The following LY75 variants were observed in gnomAD, a reference collection of about 807,000 sequenced individuals.
The protein encoded by LY75 is C-type lectin domain family 13 member B.
A neutral mutation model predicts 231.7 loss-of-function variants in LY75; 185 were observed. The ratio of observed to expected loss-of-function variants is 0.80; its 90% CI spans 0.71 to 0.90. LY75 has a LOEUF of 0.90. Among genes scored for constraint, LY75 ranks in the 40% least tolerant of loss-of-function variants. The probability of loss-of-function intolerance (pLI) is 0.00; values close to 1 mark genes in which losing one functional copy is unlikely to be tolerated. For missense variants in LY75, 1,947 were observed against 2,050.2 expected (o/e 0.95, Z 0.97); for synonymous variants, 668 against 689.0 (o/e 0.97, Z 0.48).
intron 24 of LY75, among the ~76,000 whole-genome samples, chr2:159,841,846 A>G (rs1684039841): frequency 6.6e-6 from 1 of 152,102 alleles, no homozygotes; most frequent in African/African-American, 2.4e-5. Flanking sequence ...AATTACTATA[A>G]TGGGATAACT....
intron 2 of LY75, 86 bp from the exon 3 acceptor site, chr2:159,894,170 A>C: frequency 6.9e-7 from 1 of 1,458,652 alleles, no homozygotes; most frequent in Non-Finnish European, 9.2e-7. Context: ...TGTTTTTAAA[A>C]GAAACGTTGT....
At position 159,898,917 on chromosome 2, in the gene LY75, G is replaced by A. The variant is rs1008188836; in HGVS notation, c.237C>T (p.His79=). Residue 79 remains histidine (H), a synonymous_variant, in exon 2 of 35, where the codon CAC becomes CAT. Transcript: ENST00000263636. ...TATCGAGGCCAAGGCACTTTTGGGA[G>A]TGCAAATGAAAGAGCCGATGCTGGG... ...WVSQHRLFHL[H]SQKCLGLDIT... is the part of the protein sequence containing the mutation. 1 of 1,614,228 alleles carries A rather than the reference G, an allele frequency of 6.2e-7. No homozygotes were observed. Among genetic ancestry groups the A allele is most frequent in the African/African-American group, 1.3e-5 (1 of 75,056 alleles).
At chr2:159,904,568 G>C (rs779633633) in intron 1 of LY75, 21 bp downstream of exon 1, 2 of 1,505,612 alleles carry the variant, frequency 1.3e-6, no homozygotes, top group Non-Finnish European at 1.8e-6. Context: ...CGGACTGCGG[G>C]GCTGGCGTGC....
intron 28 of LY75, among the ~76,000 whole-genome samples, chr2:159,831,319 C>CATG (rs1170706079): frequency 6.6e-6 from 1 of 152,212 alleles, no homozygotes; most frequent in Non-Finnish European, 1.5e-5. Flanking sequence ...TCGCCTCTGA[C>CATG]ATGATTGTAA....
At chr2:159,867,176 T>C (rs1168137944) in intron 13 of LY75, among the ~76,000 whole-genome samples, 1 of 152,170 alleles carries the variant, frequency 6.6e-6, no homozygotes, top group African/African-American at 2.4e-5. Flanking sequence ...TTGAAAAAAG[T>C]TTCATTTGAA....
chr2:159,844,303 C>T lies in LY75; in HGVS notation c.3151-1929G>A, dbSNP rs376407323. 8.0e-4 allele frequency among the ~76,000 whole-genome samples: 112 copies of T among 140,168 alleles called. 4 individuals carry two copies. The South Asian group carries it at 0.022, about 28-fold the overall frequency. 92.0% of individuals were successfully genotyped at this position (140,168 alleles called of 152,430 possible). On this transcript the variant is annotated intron_variant, in intron 23 of 34. Transcript: ENST00000263636. ...ATACAATATCTACTAATATATACCA[C>T]GTACAAATAGGCCTAATGGTAAAAA...
In LY75 at chr2:159,844,323, T is replaced by TAA. The variant is rs66740962; in HGVS notation, c.3151-1951_3151-1950dup. Reference sequence around the variant, plus strand: ...TACCACGTACAAATAGGCCTAATGGTAAAAAAAAAAAAAAAAAAAACTATA... The same window carrying TAA: ...TACCACGTACAAATAGGCCTAATGGTAAAAAAAAAAAAAAAAAAAAAACTATA... On this transcript the variant is annotated intron_variant, in intron 23 of 34. Coordinates refer to ENST00000263636, the MANE Select transcript of LY75 (RefSeq NM_002349.4). Among the ~76,000 whole-genome samples, 12 of 133,424 alleles carry TAA rather than the reference T, an allele frequency of 9.0e-5. No homozygotes were observed. The South Asian group carries it at 9.5e-4, about 11-fold the overall frequency. 87.5% of individuals were successfully genotyped at this position (133,424 alleles called of 152,430 possible).
At position 159,852,297 on chromosome 2, in the gene LY75, G is replaced by C; in HGVS notation, c.2787C>G (p.Ile929Met). ...PTDCSTKLPF[I>M]CEKYNVSSLE... ...ACGAAGAAACATTATATTTTTCACA[G>C]ATGAAGGGCAACTTGGTACTACAGT... Residue 929 changes from isoleucine (I) to methionine (M), a missense_variant, in exon 21 of 35, where the codon ATC becomes ATG. By Grantham distance (10) the Ile-to-Met change is conservative (BLOSUM62 1). Coordinates refer to ENST00000263636, the MANE Select transcript of LY75 (RefSeq NM_002349.4). 6.2e-7 allele frequency: 1 copy of C among 1,614,018 alleles called. No homozygotes were observed. Among genetic ancestry groups the C allele is most frequent in the Non-Finnish European group, 8.5e-7 (1 of 1,179,948 alleles).
rs1682720220 is a variant in LY75, at chr2:159,803,689, A to G, written c.*1355T>C. ...ATTTTCACCTTTTCCAGTGGATGCT[A>G]TTACTAAGACTATAATCTAGGTGTC... is the stretch of plus-strand genomic sequence containing the variant. On this transcript the variant is annotated 3_prime_UTR_variant, in exon 35 of 35. Coordinates refer to ENST00000263636, the MANE Select transcript of LY75 (RefSeq NM_002349.4). 6.6e-6 allele frequency: 1 copy of G among 152,250 alleles called. No individual in the cohort carries two copies. Among genetic ancestry groups the G allele is most frequent in the Admixed American group, 6.5e-5 (1 of 15,288 alleles). The allele number at this position is 152,250 out of a possible 1,614,324, so 9.4% of individuals were successfully genotyped here.
chr2:159,859,454 A>C (rs951198617), intron 15 of LY75, among the ~76,000 whole-genome samples: 2 of 152,150 alleles, frequency 1.3e-5, no homozygotes, highest in African/African-American at 4.8e-5. Flanking sequence ...ATATATTGGC[A>C]GTTCCTCCAA....
Position 159,878,452 on chromosome 2 carries a change from T to A in LY75, c.1646A>T (p.Asp549Val). The A allele has an allele frequency of 6.2e-7, 1 of 1,614,118 alleles. No homozygotes were observed. Among genetic ancestry groups the A allele is most frequent in the Non-Finnish European group, 8.5e-7 (1 of 1,180,000 alleles). ...EYLNDLMKKY[D>V]KSLRKYFWTG... is the part of the protein sequence containing the mutation. ...CCAGAAGTATTTTCTTAGAGATTTA[T>A]CATACTTTTTCATCAAATCATTTAG... The change falls in exon 11 of 35, where the codon GAT becomes GTT. Residue 549 changes from aspartate (D) to valine (V), a missense_variant. Transcript: ENST00000263636.
intron 5 of LY75, among the ~76,000 whole-genome samples, chr2:159,885,721 G>A (rs1685564036): frequency 1.3e-5 from 2 of 152,018 alleles, no homozygotes; most frequent in Non-Finnish European, 2.9e-5. Flanking sequence ...TCATTTGCTG[G>A]TAAGGAAATT....
intron 31 of LY75, 146 bp from the exon 32 acceptor site, chr2:159,810,821 C>A: frequency 8.7e-7 from 1 of 1,155,540 alleles, no homozygotes; most frequent in Non-Finnish European, 1.2e-6. Context: ...AGCCCACACT[C>A]TATAAATACA....
chr2:159,848,352 C>A (rs1684281526), intron 23 of LY75, among the ~76,000 whole-genome samples: 1 of 151,730 alleles, frequency 6.6e-6, no homozygotes, highest in Non-Finnish European at 1.5e-5. Context: ...GGGAGCTAAG[C>A]TATGAGGATG....
chr2:159,849,474 G>T (rs1574555787), intron 23 of LY75, among the ~76,000 whole-genome samples: 1 of 152,074 alleles, frequency 6.6e-6, no homozygotes, highest in Non-Finnish European at 1.5e-5. Context: ...AGAGCCCAAA[G>T]TCCCAAAATG....
intron 1 of LY75, among the ~76,000 whole-genome samples, chr2:159,901,059 G>C (rs766626440): frequency 6.6e-6 from 1 of 152,012 alleles, no homozygotes; most frequent in South Asian, 2.1e-4. Flanking sequence ...AGCTGGTCTC[G>C]AACTCCTGAC....
intron 16 of LY75, 22 bp downstream of exon 16, chr2:159,858,340 A>G: frequency 6.2e-7 from 1 of 1,609,156 alleles, no homozygotes; most frequent in Non-Finnish European, 8.5e-7. Context: ...GAAGGTTGTG[A>G]AAAGGAATAA....
chr2:159,834,275 T>G (rs1683755169), intron 26 of LY75, 64 bp from the exon 27 acceptor site: 1 of 1,588,110 alleles, frequency 6.3e-7, no homozygotes, highest in Non-Finnish European at 8.6e-7. Flanking sequence ...CTGTTTGCAG[T>G]CATTAGGCTT....
intron 4 of LY75, among the ~76,000 whole-genome samples, chr2:159,888,268 A>G (rs1288980443): frequency 6.6e-6 from 1 of 152,192 alleles, no homozygotes; most frequent in East Asian, 1.9e-4. Context: ...AGTCCTAGCT[A>G]CTTGGAAGAC....
Sources: gnomAD v4.1 joint callset for allele counts (sites outside exome capture counted in the v4.1 genomes callset) on GRCh38, gnomAD v4.1.1 for gene constraint, MANE v1.5 for transcripts, NCBI Gene and HGNC (gene_info 2026-07-23, HGNC 2026-07-21) for gene names.